MSRA: variants seen among roughly 807,000 people sequenced by gnomAD.
MSRA encodes the protein mitochondrial peptide methionine sulfoxide reductase.
Under a neutral mutation model 31.3 loss-of-function variants are expected in MSRA, and 54 were observed. The ratio of observed to expected loss-of-function variants is 1.73; its 90% CI spans 1.39 to 2.17. MSRA has a LOEUF of 2.17. MSRA is among the 30% of genes most tolerant of loss of function. MSRA has a pLI of 0.00. For missense variants in MSRA, 507 were observed against 300.9 expected, an observed-to-expected ratio of 1.69 and a Z score of -5.07; for synonymous variants, 169 against 116.5, an observed-to-expected ratio of 1.45 and a Z score of -2.90.
intron 1 of MSRA, among the ~76,000 whole-genome samples, chr8:10,199,228 T>G (rs926107120): frequency 3.3e-5 from 5 of 152,160 alleles, no homozygotes; most frequent in Non-Finnish European, 7.4e-5. Flanking sequence ...TGATCACCTT[T>G]CTTCACTCCC....
intron 1 of MSRA, among the ~76,000 whole-genome samples, chr8:10,091,133 T>G (rs1012045457): frequency 6.6e-6 from 1 of 152,242 alleles, no homozygotes; most frequent in Non-Finnish European, 1.5e-5. Flanking sequence ...TAAATCCCAC[T>G]TGGTCATGGC....
chr8:10,302,698 C>T (rs1424565284), intron 4 of MSRA, among the ~76,000 whole-genome samples: 3 of 152,154 alleles, frequency 2.0e-5, no homozygotes, highest in Non-Finnish European at 4.4e-5. Flanking sequence ...GAGGCAGGTT[C>T]AGGATCCACG....
At chr8:10,063,377 C>T (rs1400832201) in intron 1 of MSRA, among the ~76,000 whole-genome samples, 11 of 152,256 alleles carry the variant, frequency 7.2e-5, no homozygotes, top group Admixed American at 4.6e-4. Context: ...ACAGCAGCGA[C>T]TTGGACCTGT....
At chr8:10,133,434 A>G (rs1053750624) in intron 1 of MSRA, among the ~76,000 whole-genome samples, 3 of 152,200 alleles carry the variant, frequency 2.0e-5, no homozygotes, top group Non-Finnish European at 2.9e-5. Context: ...TTCAGCGACA[A>G]GGACCAGGCC....
chr8:10,256,895 A>G (rs972310626), intron 3 of MSRA, among the ~76,000 whole-genome samples: 4 of 152,130 alleles, frequency 2.6e-5, no homozygotes, highest in Non-Finnish European at 4.4e-5. Context: ...CCTGCCCCAA[A>G]TGGCTACCAA....
intron 2 of MSRA, among the ~76,000 whole-genome samples, chr8:10,220,537 T>G (rs1187583928): frequency 6.6e-6 from 1 of 152,130 alleles, no homozygotes; most frequent in Non-Finnish European, 1.5e-5. Flanking sequence ...GGAAAAGAAA[T>G]TTTATTTTAT....
chr8:10,417,001 G>A (rs1390955468), intron 5 of MSRA, among the ~76,000 whole-genome samples: 1 of 152,210 alleles, frequency 6.6e-6, no homozygotes, highest in Admixed American at 6.5e-5. Flanking sequence ...AATAGATAAT[G>A]AAAGCCATTA....
rs114740598 is a variant in MSRA at position 10,422,705 on chromosome 8, G to A, written c.544-5443G>A. ...TCCCCTGAAGTGGAACGTGGTAGGG[G>A]CATGTGAGACTGGCTGTCAGTACAG... is the stretch of plus-strand genomic sequence containing the variant. On this transcript the variant is annotated intron_variant, in intron 5 of 5. Coordinates refer to ENST00000317173, the MANE Select transcript of MSRA (RefSeq NM_012331.5). 3.2e-3 allele frequency among the ~76,000 whole-genome samples: 491 copies of A among 152,330 alleles called. 3 individuals carry two copies. Among genetic ancestry groups the A allele is most frequent in the African/African-American group, 0.011 (478 of 41,590 alleles).
intron 1 of MSRA, among the ~76,000 whole-genome samples, chr8:10,145,487 C>T (rs1340080708): frequency 1.3e-5 from 2 of 152,162 alleles, no homozygotes; most frequent in Non-Finnish European, 2.9e-5. Flanking sequence ...TGCTTGCCGC[C>T]TGCATAATTC....
chr8:10,136,776 A>G (rs1442434839), intron 1 of MSRA, among the ~76,000 whole-genome samples: 2 of 151,868 alleles, frequency 1.3e-5, no homozygotes, highest in Admixed American at 1.3e-4. Context: ...GACACACTTC[A>G]TTGCTGTTGG....
intron 5 of MSRA, among the ~76,000 whole-genome samples, chr8:10,404,398 G>A (rs1387813628): frequency 3.3e-5 from 5 of 152,202 alleles, no homozygotes; most frequent in South Asian, 2.1e-4. Flanking sequence ...TGACGATCCC[G>A]TCACCACCCC....
chr8:10,108,452 C>T (rs767340611), intron 1 of MSRA, among the ~76,000 whole-genome samples: 24 of 152,170 alleles, frequency 1.6e-4, no homozygotes, highest in Non-Finnish European at 5.9e-5. Context: ...ACAGTCCTTG[C>T]GATAGTCTGT....
intron 1 of MSRA, among the ~76,000 whole-genome samples, chr8:10,159,710 T>C (rs978706563): frequency 2.0e-5 from 3 of 152,198 alleles, no homozygotes; most frequent in East Asian, 1.9e-4. Flanking sequence ...CAGAATTTGA[T>C]TGGCATTATC....
At chr8:10,316,395 G>C (rs563915509) in intron 4 of MSRA, among the ~76,000 whole-genome samples, 192 of 152,248 alleles carry the variant, frequency 1.3e-3, no homozygotes, top group African/African-American at 4.6e-3. Flanking sequence ...GTTTCACCTT[G>C]GCAGTGGGAG....
At chr8:10,223,862 G>A (rs1027093104) in intron 2 of MSRA, among the ~76,000 whole-genome samples, 3 of 152,078 alleles carry the variant, frequency 2.0e-5, no homozygotes, top group South Asian at 2.1e-4. Flanking sequence ...CTCAAAGACC[G>A]CCCCTGTTTC....
At chr8:10,372,586 C>T (rs1436515757) in intron 5 of MSRA, among the ~76,000 whole-genome samples, 3 of 152,154 alleles carry the variant, frequency 2.0e-5, no homozygotes, top group Non-Finnish European at 4.4e-5. Flanking sequence ...AATGAATCTC[C>T]TCCCACCTCC....
chr8:10,325,671 C>G (rs1585477205), intron 5 of MSRA, among the ~76,000 whole-genome samples: 2 of 152,306 alleles, frequency 1.3e-5, no homozygotes, highest in Middle Eastern at 3.4e-3. Flanking sequence ...ATGTTATCAG[C>G]TTTGATACCG....
At chr8:10,315,606 A>T (rs1441424859) in intron 4 of MSRA, among the ~76,000 whole-genome samples, 1 of 152,226 alleles carries the variant, frequency 6.6e-6, no homozygotes, top group Non-Finnish European at 1.5e-5. Flanking sequence ...GCTAATATGA[A>T]CACTATCCAT....
chr8:10,271,073 T>G (rs1799010775), intron 3 of MSRA, among the ~76,000 whole-genome samples: 1 of 152,028 alleles, frequency 6.6e-6, no homozygotes, highest in Non-Finnish European at 1.5e-5. Flanking sequence ...TTCTTTTTTT[T>G]TTTTTTAATA....
Sources: gnomAD v4.1 joint callset for allele counts (sites outside exome capture counted in the v4.1 genomes callset) on GRCh38, gnomAD v4.1.1 for gene constraint, MANE v1.5 for transcripts, NCBI Gene and HGNC (gene_info 2026-07-23, HGNC 2026-07-21) for gene names.